ME2: variants seen among roughly 807,000 people sequenced by gnomAD.
ME2 encodes malic enzyme 2, also known as NAD-dependent malic enzyme, mitochondrial.
ME2 carries 60 observed loss-of-function variants against 73.7 expected under a neutral mutation model. The ratio of observed to expected loss-of-function variants is 0.81; its 90% CI spans 0.66 to 1.01. The LOEUF is 1.01. Among genes scored for constraint, ME2 ranks in the 50% least tolerant of loss-of-function variants. The pLI is 0.00. For missense variants in ME2, 594 were observed against 705.5 expected, an observed-to-expected ratio of 0.84 and a Z score of 1.79; for synonymous variants, 199 against 236.9, an observed-to-expected ratio of 0.84 and a Z score of 1.47.
At chr18:50,924,267 C>A in intron 11 of ME2, 55 bp downstream of exon 11, 1 of 1,122,254 alleles carries the variant, frequency 8.9e-7, no homozygotes, top group Middle Eastern at 2.1e-4. Context: ...TGTTGCCAGT[C>A]ATCATTACCA....
Position 50,939,641 on chromosome 18 carries a change from G to A in ME2, c.1488+1G>A. On this transcript the variant is annotated splice_donor_variant, in intron 14 of 15. Transcript: ENST00000321341. LOFTEE classifies it high-confidence loss of function. ...CAGTGTTTTCCTAGAAGCTGCAAAG[G>A]TAAATGTTTTAAATGTTGTTTATTT... 1 of 1,598,834 alleles carries A rather than the reference G, an allele frequency of 6.3e-7. No individual in the cohort carries two copies. Among genetic ancestry groups the A allele is most frequent in the Non-Finnish European group, 8.6e-7 (1 of 1,166,600 alleles).
intron 1 of ME2, among the ~76,000 whole-genome samples, chr18:50,886,201 G>T (rs972919329): frequency 6.6e-6 from 1 of 150,406 alleles, no homozygotes; most frequent in Admixed American, 6.6e-5. Flanking sequence ...GCCTATACAG[G>T]TATGTGTCTA....
At chr18:50,884,529 G>T (rs904100619) in intron 1 of ME2, among the ~76,000 whole-genome samples, 1 of 152,010 alleles carries the variant, frequency 6.6e-6, no homozygotes, top group African/African-American at 2.4e-5. Flanking sequence ...TGTACTTTTA[G>T]TAGAGACTGG....
At position 50,949,896 on chromosome 18, in the gene ME2, C is replaced by T; in HGVS notation, c.*2712C>T. 6.6e-6 allele frequency: 1 copy of T among 152,122 alleles called. No homozygotes were observed. The highest frequency in any genetic ancestry group is 2.4e-5 in the African/African-American group (1 of 41,426). 9.4% of individuals were successfully genotyped at this position (152,122 alleles called of 1,614,324 possible). A position where few individuals can be genotyped will look rare whatever the true frequency, so the allele number is the denominator to read the frequency against. On this transcript the variant is annotated 3_prime_UTR_variant, in exon 16 of 16. Transcript: ENST00000321341. ...TTGCTTAATATTTAAGCTAAGAATA[C>T]AGGAAGGACTATGAGCATTGAGGAA...
chr18:50,886,188 G>A (rs1249873909), intron 1 of ME2, among the ~76,000 whole-genome samples: 1 of 150,180 alleles, frequency 6.7e-6, no homozygotes, highest in East Asian at 1.9e-4. Context: ...GAAAACTTGG[G>A]AAGCCTATAC....
At chr18:50,945,459 C>G (rs571781497) in intron 15 of ME2, among the ~76,000 whole-genome samples, 57 of 152,274 alleles carry the variant, frequency 3.7e-4, no homozygotes, top group African/African-American at 1.3e-3. Flanking sequence ...ATTGCAGTTA[C>G]CTGCCACTGA....
chr18:50,899,745 A>G (rs1390538779), intron 2 of ME2, among the ~76,000 whole-genome samples: 1 of 152,154 alleles, frequency 6.6e-6, no homozygotes, highest in Non-Finnish European at 1.5e-5. Context: ...TCCTTTGAGC[A>G]TTCTTGTGCT....
Position 50,925,265 on chromosome 18 carries a change from G to A in ME2, c.1172-491G>A, listed in dbSNP as rs192133808. 4.4e-3 allele frequency among the ~76,000 whole-genome samples: 667 copies of A among 152,192 alleles called. 10 individuals carry two copies. In the East Asian group the frequency reaches 0.066, roughly 15 times the overall value. On this transcript the variant is annotated intron_variant, in intron 11 of 15. Transcript: ENST00000321341. ...AGGCCGAGGCAGGCGGATCACCTGAGGTCAGGAGTTTGAGACTAGCCTGGC... is the reference window on the plus strand; with the variant it reads ...AGGCCGAGGCAGGCGGATCACCTGAAGTCAGGAGTTTGAGACTAGCCTGGC...
intron 13 of ME2, 103 bp from the exon 14 acceptor site, chr18:50,939,467 T>C: frequency 1.4e-6 from 1 of 693,780 alleles, no homozygotes; most frequent in Non-Finnish European, 2.5e-6. Flanking sequence ...GGGGAGCTGT[T>C]TGCGATGTGG....
intron 13 of ME2, among the ~76,000 whole-genome samples, chr18:50,936,665 C>A (rs1917826467): frequency 1.3e-5 from 2 of 152,090 alleles, no homozygotes; most frequent in African/African-American, 4.8e-5. Flanking sequence ...TTGGCTCACA[C>A]CCATAATCCC....
chr18:50,924,046 AT>A, intron 10 of ME2, 51 bp from the exon 11 acceptor site: 1 of 1,108,222 alleles, frequency 9.0e-7, no homozygotes, highest in Non-Finnish European at 1.4e-6. Flanking sequence ...TTTTTATTTC[AT>A]CTTTAATATG....
Position 50,924,113 on chromosome 18 carries a change from A to G in ME2, c.1072A>G (p.Ile358Val), listed in dbSNP as rs144187534. ...CAAAATTTAGGGACGGAAAGCAAAA[A>G]TAGATAGTTATCAGGAACCATTTAC... Reference protein sequence around the residue: ...GLLVKGRKAKIDSYQEPFTHS... With the variant: ...GLLVKGRKAKVDSYQEPFTHS... The change falls in exon 11 of 16, where the codon ATA becomes GTA. Residue 358 changes from isoleucine (I) to valine (V), a missense_variant. By Grantham distance (29) the Ile-to-Val change is conservative (BLOSUM62 3). Transcript: ENST00000321341. The G allele has an allele frequency of 4.8e-4, 766 of 1,611,172 alleles. 5 individuals carry two copies. The African/African-American group carries it at 9.3e-3, about 20-fold the overall frequency.
rs1420187247 is a variant in ME2, at chr18:50,952,412, T to A, written c.*5228T>A. The A allele has an allele frequency of 6.6e-6, 1 of 152,212 alleles. No homozygotes were observed. The highest frequency in any genetic ancestry group is 2.4e-5 in the African/African-American group (1 of 41,440). 9.4% of individuals were successfully genotyped at this position (152,212 alleles called of 1,614,324 possible). ...ATTTTAAAAACATTATTTTCCTTTC[T>A]TGAATAAGGAAAATTGTGCATCTCA... On this transcript the variant is annotated 3_prime_UTR_variant, in exon 16 of 16. Transcript: ENST00000321341.
intron 12 of ME2, among the ~76,000 whole-genome samples, chr18:50,926,766 C>T (rs898205867): frequency 2.0e-5 from 3 of 152,150 alleles, no homozygotes; most frequent in Non-Finnish European, 4.4e-5. Context: ...CTCTGTTCAG[C>T]TGTGCTCATC....
intron 15 of ME2, among the ~76,000 whole-genome samples, chr18:50,945,783 C>A (rs1918067203): frequency 6.6e-6 from 1 of 152,018 alleles, no homozygotes; most frequent in African/African-American, 2.4e-5. Context: ...TAAAATAAAA[C>A]CTGCCGGGCA....
At chr18:50,941,541 T>G (rs1434989855) in intron 15 of ME2, among the ~76,000 whole-genome samples, 1 of 150,578 alleles carries the variant, frequency 6.6e-6, no homozygotes, top group African/African-American at 2.4e-5. Context: ...GCCCAGCTAA[T>G]TTTTTGTATT....
chr18:50,942,903 C>T (rs1434516028), intron 15 of ME2, among the ~76,000 whole-genome samples: 1 of 151,772 alleles, frequency 6.6e-6, no homozygotes, highest in Non-Finnish European at 1.5e-5. Flanking sequence ...CCGTTTTTCT[C>T]TAACTATAAA....
Position 50,916,220 on chromosome 18 carries a change from A to T in ME2, c.445A>T (p.Asn149Tyr), listed in dbSNP as rs1186249699. ...AGGTCATGTTAGATCAATTGTGGAT[A>T]ACTGGCCAGAAAATCATGTTAAGGT... ...DRGHVRSIVD[N>Y]WPENHVKAVV... The change falls in exon 5 of 16, where the codon AAC becomes TAC. Residue 149 changes from asparagine to tyrosine, a missense_variant. Coordinates refer to ENST00000321341, the MANE Select transcript of ME2 (RefSeq NM_002396.5). 10 of 1,612,266 alleles carry T rather than the reference A, an allele frequency of 6.2e-6. No individual in the cohort carries two copies. The highest frequency in any genetic ancestry group is 8.5e-6 in the Non-Finnish European group (10 of 1,178,996).
At chr18:50,898,290 G>A (rs1365049818) in intron 2 of ME2, among the ~76,000 whole-genome samples, 1 of 152,110 alleles carries the variant, frequency 6.6e-6, no homozygotes, top group Non-Finnish European at 1.5e-5. Flanking sequence ...GGTAAAGGAA[G>A]CATAATATAA....
Sources: gnomAD v4.1 joint callset for allele counts (sites outside exome capture counted in the v4.1 genomes callset) on GRCh38, gnomAD v4.1.1 for gene constraint, MANE v1.5 for transcripts, NCBI Gene and HGNC (gene_info 2026-07-23, HGNC 2026-07-21) for gene names.